Variants in MMP7 observed in about 807,000 individuals in gnomAD.
MMP7 encodes matrix metallopeptidase 7.
In MMP7, 26 loss-of-function variants were observed where a neutral mutation model predicts 31.5. The ratio of observed to expected loss-of-function variants is 0.83; its 90% CI spans 0.61 to 1.15. The LOEUF is 1.15. Among genes scored for constraint, MMP7 ranks in the 50% most tolerant of loss-of-function variants. MMP7 has a pLI of 0.00. For missense variants in MMP7, 367 were observed against 326.5 expected (o/e 1.12, Z -0.96); for synonymous variants, 142 against 124.2 (o/e 1.14, Z -0.95).
chr11:102,528,206 C>G (rs1274655952), intron 1 of MMP7, among the ~76,000 whole-genome samples: 1 of 152,036 alleles, frequency 6.6e-6, no homozygotes, highest in Non-Finnish European at 1.5e-5. Flanking sequence ...AGAAAAGAAT[C>G]CCTCAATTTT....
Position 102,530,693 on chromosome 11 carries a change from A to G in MMP7, c.8T>C (p.Leu3Pro), listed in dbSNP as rs757182368. ...CAGGCACACAGCACACAGCACGGTG[A>G]GTCGCATAGCTGCCGTCCAGAGACA... Reference protein sequence around the residue: MRLTVLCAVCLLP... With the variant: MRPTVLCAVCLLP... The change falls in exon 1 of 6, where the codon CTC (leucine) becomes CCC (proline). Residue 3 changes from leucine (L) to proline (P), a missense_variant. Leu to Pro is a moderately conservative substitution (Grantham distance 98). Coordinates refer to ENST00000260227, the MANE Select transcript of MMP7 (RefSeq NM_002423.5). 9 of 1,613,440 alleles carry G rather than the reference A, an allele frequency of 5.6e-6. No homozygotes were observed. Among genetic ancestry groups the G allele is most frequent in the Non-Finnish European group, 7.6e-6 (9 of 1,179,760 alleles).
At chr11:102,526,225 A>ATAT (rs538271620) in intron 3 of MMP7, among the ~76,000 whole-genome samples, 1,388 of 127,916 alleles carry the variant, frequency 0.011, 12 homozygotes, top group Non-Finnish European at 0.017. Context: ...AAAAAAAAAA[A>ATAT]ATATATATAT....
chr11:102,520,943 A>T, intron 5 of MMP7, 139 bp from the exon 6 acceptor site: 1 of 599,548 alleles, frequency 1.7e-6, no homozygotes, highest in Non-Finnish European at 2.8e-6. Flanking sequence ...TGGGACAAAG[A>T]TTCTGAAGAA....
chr11:102,530,125 C>G (rs1858719423), intron 1 of MMP7, among the ~76,000 whole-genome samples: 1 of 152,082 alleles, frequency 6.6e-6, no homozygotes, highest in African/African-American at 2.4e-5. Context: ...CCATTACAAA[C>G]AGTATTGTAA....
chr11:102,523,385 A>G lies in MMP7; in HGVS notation c.630T>C (p.Tyr210=). ...DGSSLGINFL[Y]AATHELGHSL... ...AATGGCCAAGTTCATGAGTTGCAGCATACAGGAAGTTAATCCCTACAACCG... is the reference window on the plus strand; with the variant it reads ...AATGGCCAAGTTCATGAGTTGCAGCGTACAGGAAGTTAATCCCTACAACCG... Residue 210 remains tyrosine (Y), a synonymous_variant, in exon 5 of 6, where the codon TAT becomes TAC. Transcript: ENST00000260227. The G allele has an allele frequency of 6.2e-7, 1 of 1,605,306 alleles. No individual in the cohort carries two copies. Among genetic ancestry groups the G allele is most frequent in the Non-Finnish European group, 8.5e-7 (1 of 1,175,684 alleles).
intron 1 of MMP7, among the ~76,000 whole-genome samples, chr11:102,528,217 T>A (rs569064436): frequency 2.0e-5 from 3 of 152,338 alleles, no homozygotes; most frequent in Admixed American, 2.0e-4. Context: ...CCTCAATTTT[T>A]AAAAAATCCA....
Position 102,527,800 on chromosome 11 carries a change from A to G in MMP7, c.292T>C (p.Phe98Leu), listed in dbSNP as rs1157204945. 1 of 1,614,210 alleles carries G rather than the reference A, an allele frequency of 6.2e-7. No individual in the cohort carries two copies. Among genetic ancestry groups the G allele is most frequent in the South Asian group, 1.1e-5 (1 of 91,088 alleles). Residue 98 changes from phenylalanine (F) to leucine (L), a missense_variant, in exon 2 of 6, where the codon TTT becomes CTT. Phe to Leu is a conservative substitution (Grantham distance 22). Transcript: ENST00000260227. ...GAAGTCCATTTTGGGCTATTTGGAA[A>G]TAGTGAGTATTCTGCAACATCTGGC... The part of the protein sequence containing the change: ...GVPDVAEYSL[F>L]PNSPKWTSKV...
Position 102,527,826 on chromosome 11 carries a change from A to C in MMP7, c.266T>G (p.Val89Gly). Residue 89 changes from valine (V) to glycine (G), a missense_variant, in exon 2 of 6, where the codon GTG becomes GGG. Coordinates refer to ENST00000260227, the MANE Select transcript of MMP7 (RefSeq NM_002423.5). The part of the protein sequence containing the change: ...IEIMQKPRCG[V>G]PDVAEYSLFP... ...TAGTGAGTATTCTGCAACATCTGGC[A>C]CTCCACATCTGGGCTTCTGCATTAT... 6.2e-7 allele frequency: 1 copy of C among 1,613,924 alleles called. No homozygotes were observed.
intron 1 of MMP7, among the ~76,000 whole-genome samples, chr11:102,528,838 AG>A (rs1858702082): frequency 6.6e-6 from 1 of 152,244 alleles, no homozygotes; most frequent in South Asian, 2.1e-4. Context: ...GCAACCTCAC[AG>A]GAACATTTTT....
chr11:102,526,095 G>T (rs1858667180), intron 3 of MMP7, among the ~76,000 whole-genome samples: 1 of 151,064 alleles, frequency 6.6e-6, no homozygotes, highest in African/African-American at 2.4e-5. Flanking sequence ...TTTGCACCAT[G>T]AAACACTAGC....
chr11:102,525,461 A>T (rs6590970), intron 3 of MMP7, among the ~76,000 whole-genome samples: 10,187 of 151,816 alleles, frequency 0.067, 896 homozygotes, highest in African/African-American at 0.2. Context: ...AATTAAAAAA[A>T]AAAAAAAGGC....
chr11:102,530,632 C>T lies in MMP7; in HGVS notation c.69G>A (p.Glu23=). 6.2e-7 allele frequency: 1 copy of T among 1,614,068 alleles called. No homozygotes were observed. Among genetic ancestry groups the T allele is most frequent in the South Asian group, 1.1e-5 (1 of 91,054 alleles). Residue 23 remains glutamate (E), a synonymous_variant, in exon 1 of 6, where the codon GAG becomes GAA. Coordinates refer to ENST00000260227, the MANE Select transcript of MMP7 (RefSeq NM_002423.5). ...PGSLALPLPQ[E]AGGMSELQWE... is the part of the protein sequence containing the mutation. Reference sequence around the variant, plus strand: ...ACTGTAGCTCACTCATGCCTCCCGCCTCCTGAGGCAGCGGCAGGGCCAGGC... The same window carrying T: ...ACTGTAGCTCACTCATGCCTCCCGCTTCCTGAGGCAGCGGCAGGGCCAGGC...
chr11:102,522,899 G>T (rs949453213), intron 5 of MMP7, among the ~76,000 whole-genome samples: 1 of 152,126 alleles, frequency 6.6e-6, no homozygotes, highest in Non-Finnish European at 1.5e-5. Context: ...AAGGTGTTTT[G>T]TCCCTTCAGT....
At chr11:102,524,754 C>A (rs1858648941) in intron 4 of MMP7, 182 bp downstream of exon 4, 4 of 511,366 alleles carry the variant, frequency 7.8e-6, no homozygotes, top group Non-Finnish European at 1.2e-5. Flanking sequence ...GCCTGAGTGT[C>A]CATCTTCTGT....
chr11:102,528,352 AG>A (rs1858697089), intron 1 of MMP7, among the ~76,000 whole-genome samples: 2 of 152,228 alleles, frequency 1.3e-5, no homozygotes, highest in African/African-American at 4.8e-5. Context: ...GTGTTATCAT[AG>A]ACCCTGTGGG....
At chr11:102,526,223 A>ACAT (rs200101403) in intron 3 of MMP7, among the ~76,000 whole-genome samples, 2 of 119,740 alleles carry the variant, frequency 1.7e-5, no homozygotes, top group Non-Finnish European at 3.5e-5. Flanking sequence ...GTAAAAAAAA[A>ACAT]AAATATATAT....
Position 102,523,239 on chromosome 11 carries a change from C to G in MMP7, c.775+1G>C, listed in dbSNP as rs1858632484. 1 of 1,590,448 alleles carries G rather than the reference C, an allele frequency of 6.3e-7. No individual in the cohort carries two copies. Reference sequence around the variant, plus strand: ...CTCTTATTTGAAATAATAAATATTACCATATAGTTTCTGAATGCCTTTAAT... The same window carrying G: ...CTCTTATTTGAAATAATAAATATTAGCATATAGTTTCTGAATGCCTTTAAT... On this transcript the variant is annotated splice_donor_variant, in intron 5 of 5. Coordinates refer to ENST00000260227, the MANE Select transcript of MMP7 (RefSeq NM_002423.5). LOFTEE classifies it high-confidence loss of function.
chr11:102,523,278 A>C lies in MMP7; in HGVS notation c.737T>G (p.Leu246Arg), dbSNP rs372470873. The change falls in exon 5 of 6, where the codon CTT (leucine) becomes CGT (arginine). Residue 246 changes from leucine (L) to arginine (R), a missense_variant. Coordinates refer to ENST00000260227, the MANE Select transcript of MMP7 (RefSeq NM_002423.5). ...YGNGDPQNFK[L>R]SQDDIKGIQK... ...AATGCCTTTAATATCATCCTGGGAA[A>C]GTTTAAAATTTTGGGGATCTCCATT... 50 of 1,611,304 alleles carry C rather than the reference A, an allele frequency of 3.1e-5. No homozygotes were observed. In the East Asian group the frequency reaches 7.6e-4, roughly 24 times the overall value.
Position 102,530,641 on chromosome 11 carries a change from C to G in MMP7, c.60G>C (p.Leu20=). ...CACTCATGCCTCCCGCCTCCTGAGG[C>G]AGCGGCAGGGCCAGGCTGCCAGGCA... ...CLLPGSLALP[L]PQEAGGMSEL... The change falls in exon 1 of 6, where the codon CTG becomes CTC. Residue 20 remains leucine, a synonymous_variant. Coordinates refer to ENST00000260227, the MANE Select transcript of MMP7 (RefSeq NM_002423.5). 1 of 1,614,076 alleles carries G rather than the reference C, an allele frequency of 6.2e-7. No individual in the cohort carries two copies. The highest frequency in any genetic ancestry group is 1.7e-5 in the Admixed American group (1 of 60,026).
Sources: gnomAD v4.1 joint callset for allele counts (sites outside exome capture counted in the v4.1 genomes callset) on GRCh38, gnomAD v4.1.1 for gene constraint, MANE v1.5 for transcripts, NCBI Gene and HGNC (gene_info 2026-07-23, HGNC 2026-07-21) for gene names.